NAA16: variants seen among roughly 807,000 people sequenced by gnomAD.
NAA16 encodes the protein NARG1-like protein.
In NAA16, 97 loss-of-function variants were observed where a neutral mutation model predicts 110.3. The observed-to-expected ratio is 0.88, with a 90% CI of 0.75 to 1.04. The LOEUF is 1.04. Ranked by LOEUF, NAA16 falls within the 50% of genes least tolerant of loss-of-function variation. The probability of loss-of-function intolerance (pLI) is 0.00; values close to 1 mark genes in which losing one functional copy is unlikely to be tolerated. For synonymous variants in NAA16, 372 were observed against 330.6 expected, an observed-to-expected ratio of 1.13 and a Z score of -1.36; for missense variants, 1,017 against 1,005.1, an observed-to-expected ratio of 1.01 and a Z score of -0.16.
chr13:41,348,851 ATTTC>A (rs1386847122), intron 9 of NAA16, among the ~76,000 whole-genome samples: 2 of 151,898 alleles, frequency 1.3e-5, no homozygotes, highest in East Asian at 3.9e-4. Context: ...CAGATTTTCT[ATTTC>A]TTCTTGACTG....
In NAA16 at chr13:41,320,724, A is replaced by G; in HGVS notation, c.302A>G (p.Lys101Arg). 6.2e-7 allele frequency: 1 copy of G among 1,613,248 alleles called. No homozygotes were observed. The highest frequency in any genetic ancestry group is 1.8e-4 in the Middle Eastern group (1 of 5,554). The part of the protein sequence containing the change: ...RSDKKYDEAI[K>R]CYRNALKLDK... Reference sequence around the variant, plus strand: ...GATAAAAAATATGATGAAGCTATAAAATGTTACCGAAATGCCCTCAAATTA... The same window carrying G: ...GATAAAAAATATGATGAAGCTATAAGATGTTACCGAAATGCCCTCAAATTA... The change falls in exon 4 of 20, where the codon AAA (lysine) becomes AGA (arginine). Residue 101 changes from lysine (K) to arginine (R), a missense_variant. Transcript: ENST00000379406.
chr13:41,323,329 A>G, intron 5 of NAA16, 139 bp downstream of exon 5: 1 of 819,710 alleles, frequency 1.2e-6, no homozygotes, highest in South Asian at 1.8e-5. Context: ...GAAACAGTTA[A>G]AATGTAGGAT....
intron 17 of NAA16, 130 bp from the exon 18 acceptor site, chr13:41,373,507 C>G: frequency 9.1e-7 from 1 of 1,098,600 alleles, no homozygotes; most frequent in South Asian, 1.8e-5. Flanking sequence ...ATCTGCCTGC[C>G]TCAGCCTCCC....
intron 7 of NAA16, among the ~76,000 whole-genome samples, chr13:41,330,264 A>G (rs1054972521): frequency 3.3e-5 from 5 of 151,870 alleles, no homozygotes; most frequent in Non-Finnish European, 7.4e-5. Context: ...GCTCCAAAAC[A>G]TATTACTGGG....
At chr13:41,332,869 C>G (rs1013923378) in intron 8 of NAA16, among the ~76,000 whole-genome samples, 1 of 152,042 alleles carries the variant, frequency 6.6e-6, no homozygotes, top group Non-Finnish European at 1.5e-5. Context: ...TTTAAAAATT[C>G]ATTTTATACT....
intron 12 of NAA16, among the ~76,000 whole-genome samples, chr13:41,360,984 A>G (rs763584086): frequency 3.3e-5 from 5 of 152,370 alleles, no homozygotes; most frequent in South Asian, 2.1e-4. Context: ...ACTAGTTTTT[A>G]GACGTTTAAT....
chr13:41,349,796 A>G (rs2042778157), intron 9 of NAA16, among the ~76,000 whole-genome samples: 1 of 151,760 alleles, frequency 6.6e-6, no homozygotes, highest in African/African-American at 2.4e-5. Context: ...GAAACCCTAA[A>G]TCTACTAAAA....
intron 9 of NAA16, among the ~76,000 whole-genome samples, chr13:41,352,486 C>G (rs2042862536): frequency 6.6e-6 from 1 of 151,850 alleles, no homozygotes; most frequent in African/African-American, 2.4e-5. Context: ...GAAACCCCCT[C>G]CCTACTAAAA....
intron 1 of NAA16, among the ~76,000 whole-genome samples, chr13:41,312,539 T>C (rs1177477815): frequency 6.6e-6 from 1 of 152,204 alleles, no homozygotes; most frequent in Non-Finnish European, 1.5e-5. Context: ...CTGTCTTTTC[T>C]AGTTTATCTT....
Position 41,336,645 on chromosome 13 carries a change from T to G in NAA16, c.908-5T>G. 2 of 1,528,042 alleles carry G rather than the reference T, an allele frequency of 1.3e-6. No individual in the cohort carries two copies. The highest frequency in any genetic ancestry group is 1.8e-6 in the Non-Finnish European group (2 of 1,119,208). The allele number at this position is 1,528,042 out of a possible 1,614,324, so 94.7% of individuals were successfully genotyped here. A position where few individuals can be genotyped will look rare whatever the true frequency, so the allele number is the denominator to read the frequency against. ...AAGAATAACAAAGTACGCTTTTGTT[T>G]CTAGGTGAAAGATTTAGAGAACTAA... On this transcript the variant is annotated splice_polypyrimidine_tract_variant and splice_region_variant and intron_variant, in intron 8 of 19. Coordinates refer to ENST00000379406, the MANE Select transcript of NAA16 (RefSeq NM_024561.5).
chr13:41,362,903 A>G, intron 13 of NAA16: 2 of 1,152,332 alleles, frequency 1.7e-6, no homozygotes, highest in South Asian at 1.8e-5. Context: ...CGTGGCAGTC[A>G]CTTTGGCCTT....
chr13:41,358,488 C>CT lies in NAA16; in HGVS notation c.1257+16dup, dbSNP rs1407060700. ...AAATTTACAAGGTAAAATCTGAATC[C>CT]TGTTTTTTGAGTAGTTGAAGAATTC... On this transcript the variant is annotated intron_variant, in intron 11 of 19. Coordinates refer to ENST00000379406, the MANE Select transcript of NAA16 (RefSeq NM_024561.5). 1 of 1,612,006 alleles carries CT rather than the reference C, an allele frequency of 6.2e-7. No individual in the cohort carries two copies. The highest frequency in any genetic ancestry group is 1.3e-5 in the African/African-American group (1 of 74,924).
intron 19 of NAA16, among the ~76,000 whole-genome samples, 198 bp from the exon 20 acceptor site, chr13:41,375,207 A>T (rs951729783): frequency 6.6e-6 from 1 of 152,210 alleles, no homozygotes; most frequent in African/African-American, 2.4e-5. Context: ...TGCAGTTATT[A>T]GAATTTTACT....
intron 7 of NAA16, among the ~76,000 whole-genome samples, chr13:41,330,618 A>G (rs1418201913): frequency 6.6e-6 from 1 of 151,972 alleles, no homozygotes; most frequent in African/African-American, 2.4e-5. Flanking sequence ...TTGCTTGCTT[A>G]TTGTTGTTTC....
At chr13:41,316,305 AT>A (rs993030515) in intron 1 of NAA16, among the ~76,000 whole-genome samples, 277 of 103,880 alleles carry the variant, frequency 2.7e-3, no homozygotes, top group Middle Eastern at 5.8e-3. Context: ...AATTTTTGTA[AT>A]TTTTTTTTTT....
intron 5 of NAA16, 21 bp from the exon 6 acceptor site, chr13:41,325,677 A>G: frequency 6.7e-7 from 1 of 1,500,378 alleles, no homozygotes; most frequent in Non-Finnish European, 9.1e-7. Context: ...CAAATAAAGT[A>G]ATTTGGTCAT....
chr13:41,362,995 A>G, intron 13 of NAA16: 1 of 650,202 alleles, frequency 1.5e-6, no homozygotes, highest in South Asian at 3.9e-5. Context: ...TGGAACTAGA[A>G]TTATACCCAA....
Position 41,367,397 on chromosome 13 carries a change from G to T in NAA16, c.1540-42G>T, listed in dbSNP as rs1217136202. ...TTTTTTTCTAAAGGTAGACATTATTGACATAAATGTAAAGGTTAATTTTGT... is the reference window on the plus strand; with the variant it reads ...TTTTTTTCTAAAGGTAGACATTATTTACATAAATGTAAAGGTTAATTTTGT... On this transcript the variant is annotated intron_variant, in intron 13 of 19. Coordinates refer to ENST00000379406, the MANE Select transcript of NAA16 (RefSeq NM_024561.5). The T allele has an allele frequency of 8.9e-6, 12 of 1,354,098 alleles. No homozygotes were observed. In the East Asian group the frequency reaches 2.4e-4, roughly 27 times the overall value. The allele number at this position is 1,354,098 out of a possible 1,614,324, so 83.9% of individuals were successfully genotyped here.
At position 41,323,191 on chromosome 13, in the gene NAA16, G is replaced by T; in HGVS notation, c.537+1G>T. The T allele has an allele frequency of 1.2e-6, 2 of 1,613,308 alleles. No homozygotes were observed. The highest frequency in any genetic ancestry group is 1.7e-6 in the Non-Finnish European group (2 of 1,179,694). Reference sequence around the variant, plus strand: ...GGAAGAATTTAGACAAACTCAGCAAGTAAGAATTTTAATGTTTCCTTCTAC... The same window carrying T: ...GGAAGAATTTAGACAAACTCAGCAATTAAGAATTTTAATGTTTCCTTCTAC... On this transcript the variant is annotated splice_donor_variant, in intron 5 of 19. Transcript: ENST00000379406. LOFTEE classifies it high-confidence loss of function.
Sources: gnomAD v4.1 joint callset for allele counts (sites outside exome capture counted in the v4.1 genomes callset) on GRCh38, gnomAD v4.1.1 for gene constraint, MANE v1.5 for transcripts, NCBI Gene and HGNC (gene_info 2026-07-23, HGNC 2026-07-21) for gene names.